The following ATL2 variants were observed in gnomAD, a reference collection of about 807,000 sequenced individuals.
ATL2 encodes atlastin GTPase 2, also known as atlastin-2.
Under a neutral mutation model 73.9 loss-of-function variants are expected in ATL2, and 31 were observed. The ratio of observed to expected loss-of-function variants is 0.42; its 90% CI spans 0.32 to 0.57. The LOEUF (loss-of-function observed/expected upper bound fraction) is 0.57, where lower values mean the gene tolerates loss of function less well. Ranked by LOEUF, ATL2 falls within the 20% of genes least tolerant of loss-of-function variation. ATL2 has a pLI of 0.14. For synonymous variants in ATL2, 291 were observed against 237.5 expected (o/e 1.23, Z -2.07); for missense variants, 738 against 702.6 (o/e 1.05, Z -0.57).
chr2:38,311,506 A>G (rs1415955381), intron 7 of ATL2, among the ~76,000 whole-genome samples: 1 of 152,240 alleles, frequency 6.6e-6, no homozygotes, highest in Non-Finnish European at 1.5e-5. Context: ...TATTCATTCA[A>G]TAGATACTAT....
At chr2:38,377,436 C>CCCCCG (rs1457984221), upstream of ATL2, among the ~76,000 whole-genome samples, 2 of 150,266 alleles carry the variant, frequency 1.3e-5, no homozygotes, top group African/African-American at 4.9e-5. Context: ...CCTCCCTCCG[C>CCCCCG]CCCCGCCCCG....
At chr2:38,311,849 A>AT (rs1306674729) in intron 7 of ATL2, among the ~76,000 whole-genome samples, 1 of 152,256 alleles carries the variant, frequency 6.6e-6, no homozygotes, top group Non-Finnish European at 1.5e-5. Context: ...TTTGAGTTAC[A>AT]TAATTCTGAG....
chr2:38,367,845 C>T (rs1671431566), intron 1 of ATL2, among the ~76,000 whole-genome samples: 1 of 151,210 alleles, frequency 6.6e-6, no homozygotes, highest in East Asian at 2.0e-4. Context: ...GTTGTCCGGG[C>T]TGGTCTCGAA....
intron 2 of ATL2, among the ~76,000 whole-genome samples, chr2:38,319,657 T>C (rs1462765569): frequency 6.6e-6 from 1 of 150,706 alleles, no homozygotes; most frequent in African/African-American, 2.4e-5. Context: ...TCCTAAAATG[T>C]TAAAAATCAT....
At chr2:38,354,161 G>A (rs939828251) in intron 1 of ATL2, 4 of 423,200 alleles carry the variant, frequency 9.5e-6, no homozygotes, top group Admixed American at 5.3e-5. Flanking sequence ...ACTCCAACCT[G>A]GCGACAGAGC....
intron 2 of ATL2, among the ~76,000 whole-genome samples, chr2:38,330,807 G>A (rs187331134): frequency 2.0e-5 from 3 of 152,142 alleles, no homozygotes; most frequent in Non-Finnish European, 4.4e-5. Flanking sequence ...TTCCCAAATT[G>A]ATCTTTCAGA....
intron 1 of ATL2, among the ~76,000 whole-genome samples, chr2:38,357,267 G>A (rs1670720921): frequency 6.6e-6 from 1 of 152,082 alleles, no homozygotes; most frequent in Non-Finnish European, 1.5e-5. Flanking sequence ...GGCAGAGGTT[G>A]CAGAGAGCCA....
At chr2:38,370,010 C>A (rs948385420) in intron 1 of ATL2, among the ~76,000 whole-genome samples, 4 of 150,976 alleles carry the variant, frequency 2.6e-5, no homozygotes, top group African/African-American at 9.8e-5. Flanking sequence ...AAAAATTAGC[C>A]GGGCGAGGTG....
At chr2:38,350,826 A>G (rs1184232652) in intron 1 of ATL2, among the ~76,000 whole-genome samples, 1 of 152,182 alleles carries the variant, frequency 6.6e-6, no homozygotes, top group African/African-American at 2.4e-5. Flanking sequence ...CTAATCACAC[A>G]TTATCTTAAA....
At chr2:38,372,410 A>G (rs1671742398) in intron 1 of ATL2, among the ~76,000 whole-genome samples, 1 of 152,208 alleles carries the variant, frequency 6.6e-6, no homozygotes, top group South Asian at 2.1e-4. Context: ...GAGGATGCAC[A>G]TAGGTTATAT....
intron 2 of ATL2, among the ~76,000 whole-genome samples, chr2:38,328,566 C>T (rs1204177109): frequency 1.3e-5 from 2 of 152,060 alleles, no homozygotes; most frequent in African/African-American, 2.4e-5. Context: ...TTTAAAACAA[C>T]TCACCTCAAA....
intron 1 of ATL2, among the ~76,000 whole-genome samples, chr2:38,360,094 T>C (rs1381803292): frequency 2.1e-5 from 3 of 144,792 alleles, no homozygotes; most frequent in African/African-American, 7.8e-5. Context: ...CGTCGTCCAC[T>C]GTACTCTAGC....
chr2:38,314,355 G>C (rs1046835908), intron 6 of ATL2, among the ~76,000 whole-genome samples: 1 of 152,070 alleles, frequency 6.6e-6, no homozygotes, highest in Non-Finnish European at 1.5e-5. Flanking sequence ...AATAACATCT[G>C]TTAAGAGAAA....
At chr2:38,358,664 C>G in intron 1 of ATL2, 1 of 170,510 alleles carries the variant, frequency 5.9e-6, no homozygotes, top group South Asian at 9.8e-5. Flanking sequence ...TGCACCCCAG[C>G]CTGGGCGACA....
intron 1 of ATL2, among the ~76,000 whole-genome samples, chr2:38,349,530 G>A (rs565417525): frequency 9.4e-6 from 1 of 106,558 alleles, no homozygotes; most frequent in Admixed American, 1.1e-4. Flanking sequence ...TTGTGGGGTG[G>A]GGGGAGGGGG....
intron 1 of ATL2, among the ~76,000 whole-genome samples, chr2:38,347,251 G>C (rs1285219471): frequency 6.6e-6 from 1 of 152,138 alleles, no homozygotes; most frequent in Admixed American, 6.5e-5. Flanking sequence ...GCCTTATAAA[G>C]CACATGTCAT....
At chr2:38,341,999 C>T (rs1037711728) in intron 2 of ATL2, among the ~76,000 whole-genome samples, 1 of 152,164 alleles carries the variant, frequency 6.6e-6, no homozygotes, top group African/African-American at 2.4e-5. Context: ...ATAGCAATTC[C>T]ACTAAGTGCT....
intron 10 of ATL2, among the ~76,000 whole-genome samples, 168 bp from the exon 11 acceptor site, chr2:38,299,495 G>T (rs1390966611): frequency 6.6e-6 from 1 of 152,138 alleles, no homozygotes; most frequent in Non-Finnish European, 1.5e-5. Context: ...AGGATATAAT[G>T]GTAAGTGGTT....
chr2:38,306,274 C>A (rs1385786314), intron 9 of ATL2, among the ~76,000 whole-genome samples: 6 of 152,122 alleles, frequency 3.9e-5, no homozygotes, highest in Non-Finnish European at 7.4e-5. Flanking sequence ...CAAAGAAAAG[C>A]CCGAAAGCTA....
Sources: allele counts gnomAD v4.1 joint callset (sites outside exome capture counted in the v4.1 genomes callset), GRCh38; gene constraint gnomAD v4.1.1; transcripts MANE v1.5; gene names NCBI Gene and HGNC (gene_info 2026-07-23, HGNC 2026-07-21).